ELAVL4: variants seen among roughly 807,000 people sequenced by gnomAD.
ELAVL4 encodes the protein ELAV like RNA binding protein 4.
A neutral mutation model predicts 35.6 loss-of-function variants in ELAVL4; 1 was observed. The ratio of observed to expected loss-of-function variants is 0.03; its 90% confidence interval spans 0.01 to 0.13. The LOEUF is 0.13. Ranked by LOEUF, ELAVL4 falls within the 10% of genes least tolerant of loss-of-function variation. The pLI is 1.00. For missense variants in ELAVL4, 267 were observed against 464.9 expected (o/e 0.57, Z 3.91); for synonymous variants, 156 against 171.0 (o/e 0.91, Z 0.69).
At chr1:50,096,718 G>C (rs906369476) in intron 1 of ELAVL4, among the ~76,000 whole-genome samples, 1 of 152,086 alleles carries the variant, frequency 6.6e-6, no homozygotes. Context: ...TGAGTAAGTA[G>C]CAGCATGTTA....
At chr1:50,113,849 A>G (rs544388036) in intron 1 of ELAVL4, among the ~76,000 whole-genome samples, 1 of 152,106 alleles carries the variant, frequency 6.6e-6, no homozygotes, top group African/African-American at 2.4e-5. Flanking sequence ...GTGTATCAGT[A>G]TAAGTGTGTT....
chr1:50,190,894 G>A (rs1682566710), intron 3 of ELAVL4, among the ~76,000 whole-genome samples: 1 of 152,140 alleles, frequency 6.6e-6, no homozygotes, highest in East Asian at 1.9e-4. Flanking sequence ...CGTGACAGAG[G>A]AAGGCTATTA....
At chr1:50,098,967 G>A (rs1382184354), upstream of ELAVL4, among the ~76,000 whole-genome samples, 5 of 152,190 alleles carry the variant, frequency 3.3e-5, no homozygotes, top group East Asian at 1.9e-4. Flanking sequence ...AAAAGCAGCC[G>A]TGGGCTGTTG....
intron 2 of ELAVL4, among the ~76,000 whole-genome samples, chr1:50,168,531 G>T (rs1206503117): frequency 6.6e-6 from 1 of 152,140 alleles, no homozygotes; most frequent in South Asian, 2.1e-4. Flanking sequence ...TGCTTCTGAA[G>T]CTGGGAGACA....
chr1:50,106,513 A>C (rs1178995197), upstream of ELAVL4: 2 of 715,630 alleles, frequency 2.8e-6, no homozygotes, highest in African/African-American at 1.8e-5. Context: ...CAGAAAAAAA[A>C]AATCATGCAT....
intron 1 of ELAVL4, among the ~76,000 whole-genome samples, chr1:50,126,701 T>G (rs1338616455): frequency 2.6e-4 from 39 of 152,180 alleles, no homozygotes; most frequent in Admixed American, 2.6e-3. Flanking sequence ...AAATTAAGAT[T>G]GAAGAGAAAG....
intron 2 of ELAVL4, among the ~76,000 whole-genome samples, chr1:50,149,479 C>T (rs997458971): frequency 6.7e-6 from 1 of 150,310 alleles, no homozygotes; most frequent in African/African-American, 2.4e-5. Context: ...ATTTGCATCA[C>T]AGTGATAAAA....
At chr1:50,182,994 A>G (rs1026071082) in intron 3 of ELAVL4, among the ~76,000 whole-genome samples, 3 of 151,638 alleles carry the variant, frequency 2.0e-5, no homozygotes, top group African/African-American at 7.3e-5. Context: ...AGTAGCTGGG[A>G]TTACAGGCAC....
At chr1:50,099,299 G>A (rs1052168567), upstream of ELAVL4, among the ~76,000 whole-genome samples, 1 of 152,092 alleles carries the variant, frequency 6.6e-6, no homozygotes, top group Non-Finnish European at 1.5e-5. Flanking sequence ...GGTGGCTCAC[G>A]CCTGTAATCC....
intron 1 of ELAVL4, among the ~76,000 whole-genome samples, chr1:50,143,597 G>A (rs994457240): frequency 1.3e-5 from 2 of 152,184 alleles, no homozygotes; most frequent in African/African-American, 4.8e-5. Context: ...AGACTCTTAG[G>A]ATTTAAGTCC....
At chr1:50,174,202 G>A (rs1320590842) in intron 2 of ELAVL4, 1 of 152,160 alleles carries the variant, frequency 6.6e-6, no homozygotes, top group East Asian at 1.9e-4. Context: ...AAAAGAGAAT[G>A]CTTAGATCCA....
At chr1:50,153,552 T>A (rs1408678658) in intron 2 of ELAVL4, among the ~76,000 whole-genome samples, 1 of 152,200 alleles carries the variant, frequency 6.6e-6, no homozygotes, top group East Asian at 1.9e-4. Context: ...GAGAAAAAGA[T>A]GACAATAGAC....
At chr1:50,089,473 C>T (rs1665396530) in intron 1 of ELAVL4, among the ~76,000 whole-genome samples, 1 of 152,156 alleles carries the variant, frequency 6.6e-6, no homozygotes. Flanking sequence ...CTCTTTCTGG[C>T]TAGGTGTGGT....
chr1:50,197,826 C>T (rs1179197567), intron 6 of ELAVL4, among the ~76,000 whole-genome samples: 8 of 152,226 alleles, frequency 5.3e-5, no homozygotes, highest in South Asian at 2.1e-4. Context: ...AACTGTTTTG[C>T]ATTAGCAATG....
chr1:50,083,482 A>T (rs1174402421), intron 1 of ELAVL4, among the ~76,000 whole-genome samples: 1 of 152,178 alleles, frequency 6.6e-6, no homozygotes, highest in East Asian at 1.9e-4. Context: ...TTTAAGGTTG[A>T]ACTATAACTT....
intron 1 of ELAVL4, among the ~76,000 whole-genome samples, chr1:50,089,618 G>A (rs1665402705): frequency 6.6e-6 from 1 of 152,132 alleles, no homozygotes; most frequent in Non-Finnish European, 1.5e-5. Flanking sequence ...AGCCAGGCAT[G>A]GTGGCATGTG....
chr1:50,072,220 G>T (rs1372231375), intron 1 of ELAVL4, among the ~76,000 whole-genome samples: 1 of 152,144 alleles, frequency 6.6e-6, no homozygotes, highest in African/African-American at 2.4e-5. Context: ...AAATAAATAA[G>T]CAAATTGACT....
At chr1:50,074,638 CT>C (rs1240485188) in intron 1 of ELAVL4, among the ~76,000 whole-genome samples, 1 of 152,114 alleles carries the variant, frequency 6.6e-6, no homozygotes, top group African/African-American at 2.4e-5. Context: ...GCTTCAACAG[CT>C]GTGGGAGTTT....
chr1:50,177,282 GAAGC>G (rs1680207334), intron 3 of ELAVL4, 90 bp downstream of exon 3: 1 of 955,108 alleles, frequency 1.0e-6, no homozygotes, highest in Admixed American at 1.9e-5. Flanking sequence ...GTGGGGGCTG[GAAGC>G]AGTGTTCTTG....
Sources: gnomAD v4.1 joint callset for allele counts (sites outside exome capture counted in the v4.1 genomes callset) on GRCh38, gnomAD v4.1.1 for gene constraint, MANE v1.5 for transcripts, NCBI Gene and HGNC (gene_info 2026-07-23, HGNC 2026-07-21) for gene names.